Variants in MAP4 observed in about 807,000 individuals in gnomAD.
MAP4 encodes microtubule associated protein 4, also known as microtubule-associated protein 4.
MAP4 carries 76 observed loss-of-function variants against 170.2 expected under a neutral mutation model. That is an observed-to-expected ratio of 0.45 (90% CI 0.37 to 0.54). The LOEUF is 0.54. Ranked by LOEUF, MAP4 falls within the 20% of genes least tolerant of loss-of-function variation. The probability of loss-of-function intolerance (pLI) is 0.00; values close to 1 mark genes in which losing one functional copy is unlikely to be tolerated. For synonymous variants in MAP4, 909 were observed against 994.5 expected, an observed-to-expected ratio of 0.91 and a Z score of 1.62; for missense variants, 2,506 against 2,748.0, an observed-to-expected ratio of 0.91 and a Z score of 1.97.
intron 10 of MAP4, among the ~76,000 whole-genome samples, chr3:47,902,673 C>CAAA (rs3051642): frequency 0.26 from 6,605 of 25,738 alleles, 1,554 homozygotes; most frequent in Non-Finnish European, 0.3. Context: ...GACTCTGTCT[C>CAAA]AAAAAAAAAA....
intron 1 of MAP4, among the ~76,000 whole-genome samples, chr3:48,077,448 A>C (rs1476403587): frequency 2.0e-5 from 3 of 147,530 alleles, no homozygotes; most frequent in African/African-American, 7.4e-5. Flanking sequence ...CTCAGTCTCA[A>C]AAAAAAAAAA....
intron 1 of MAP4, among the ~76,000 whole-genome samples, chr3:48,004,266 A>G (rs115156057): frequency 6.6e-6 from 1 of 152,144 alleles, no homozygotes; most frequent in Non-Finnish European, 1.5e-5. Context: ...CTCTACTTCT[A>G]ATAGCATGGA....
chr3:48,087,739 G>GCACGCGCACACACACA (rs2100149956), intron 1 of MAP4, among the ~76,000 whole-genome samples: 1 of 59,538 alleles, frequency 1.7e-5, no homozygotes, highest in Non-Finnish European at 3.1e-5. Flanking sequence ...GCACACACAC[G>GCACGCGCACACACACA]CACGCGCACA....
intron 3 of MAP4, among the ~76,000 whole-genome samples, chr3:47,935,496 CCCACCCCTAGGAA>C (rs1024293686): frequency 4.6e-5 from 7 of 152,134 alleles, no homozygotes; most frequent in Non-Finnish European, 1.0e-4. Flanking sequence ...TAAAGGGAAA[CCCACCCCTAGGAA>C]CCATCCCATT....
intron 8 of MAP4, 73 bp from the exon 9 acceptor site, chr3:47,912,494 A>C: frequency 7.5e-7 from 1 of 1,328,062 alleles, no homozygotes; most frequent in Non-Finnish European, 1.0e-6. Flanking sequence ...CAAACAAAAA[A>C]ACCAGACCAT....
intron 10 of MAP4, chr3:47,892,354 G>A: frequency 1.3e-6 from 2 of 1,536,180 alleles, no homozygotes; most frequent in Middle Eastern, 3.3e-4. Context: ...CATTCAGTTT[G>A]CCCTCTGTCC....
chr3:47,931,656 A>AT (rs35456237), intron 3 of MAP4, among the ~76,000 whole-genome samples: 33,629 of 131,376 alleles, frequency 0.26, 4,943 homozygotes, highest in South Asian at 0.36. Flanking sequence ...TTTAAACAAA[A>AT]TTTTTTTTTT....
At chr3:48,087,743 GCGCA>G (rs774808351) in intron 1 of MAP4, among the ~76,000 whole-genome samples, 14,815 of 67,618 alleles carry the variant, frequency 0.22, 846 homozygotes, top group East Asian at 0.33. Flanking sequence ...ACACACGCAC[GCGCA>G]CACACACACA....
rs766464270 is a variant in MAP4 at position 47,891,831 on chromosome 3, T to C, written c.5434+11119A>G. The C allele has an allele frequency of 1.5e-5, 23 of 1,536,176 alleles. 1 individual carries two copies. In the South Asian group the frequency reaches 2.6e-4, roughly 17 times the overall value. On this transcript the variant is annotated intron_variant, in intron 10 of 20. Coordinates refer to ENST00000683076, the MANE Select transcript of MAP4 (RefSeq NM_001385682.1). ...CACTTCAGCTGCTCAGAGTTATCATTTACCACCCCAATCACTGGGCAGCCA... is the reference window on the plus strand; with the variant it reads ...CACTTCAGCTGCTCAGAGTTATCATCTACCACCCCAATCACTGGGCAGCCA...
chr3:47,979,262 ATAATTAGG>A (rs751518419), intron 2 of MAP4, among the ~76,000 whole-genome samples: 12 of 150,572 alleles, frequency 8.0e-5, no homozygotes, highest in African/African-American at 2.0e-4. Flanking sequence ...TAATCACCTA[ATAATTAGG>A]TAATTAGGTA....
chr3:47,989,970 G>A (rs1330378240), intron 2 of MAP4, among the ~76,000 whole-genome samples: 2 of 151,662 alleles, frequency 1.3e-5, no homozygotes, highest in Non-Finnish European at 2.9e-5. Flanking sequence ...TTATTTTGTT[G>A]ATTCCCTCTC....
At chr3:48,020,082 C>A (rs140868099), upstream of MAP4, among the ~76,000 whole-genome samples, 624 of 152,152 alleles carry the variant, frequency 4.1e-3, 5 homozygotes, top group African/African-American at 0.014. Context: ...GACAGGGTTT[C>A]ACCATGTTAG....
At chr3:48,018,837 T>C (rs886115227), upstream of MAP4, among the ~76,000 whole-genome samples, 26 of 152,018 alleles carry the variant, frequency 1.7e-4, no homozygotes, top group Non-Finnish European at 3.1e-4. Context: ...ATTCACCTAT[T>C]TTCTTCCACT....
chr3:48,061,844 G>C (rs1305712921), intron 1 of MAP4, among the ~76,000 whole-genome samples: 1 of 115,554 alleles, frequency 8.7e-6, no homozygotes, highest in Admixed American at 8.3e-5. Context: ...GAGGTGGGGG[G>C]CAGCCCCCGC....
intron 18 of MAP4, 21 bp downstream of exon 18, chr3:47,857,410 G>T: frequency 6.2e-7 from 1 of 1,608,594 alleles, no homozygotes; most frequent in Non-Finnish European, 8.5e-7. Context: ...AGACCCAGTG[G>T]GCAAGGGAGG....
At chr3:47,994,857 G>A (rs1200810965) in intron 2 of MAP4, among the ~76,000 whole-genome samples, 2 of 151,966 alleles carry the variant, frequency 1.3e-5, no homozygotes, top group African/African-American at 4.8e-5. Flanking sequence ...GTTGAGGCAG[G>A]AGGATCGCTT....
At chr3:48,002,120 T>A (rs1394376252) in intron 1 of MAP4, among the ~76,000 whole-genome samples, 1 of 151,558 alleles carries the variant, frequency 6.6e-6, no homozygotes, top group Non-Finnish European at 1.5e-5. Flanking sequence ...AGATTGTAAC[T>A]AGGAGTTCCA....
At chr3:47,969,753 T>C (rs2100077426) in intron 3 of MAP4, among the ~76,000 whole-genome samples, 1 of 151,346 alleles carries the variant, frequency 6.6e-6, no homozygotes, top group Non-Finnish European at 1.5e-5. Context: ...ACCACACATG[T>C]GCAAATCCAG....
At chr3:47,964,110 G>A (rs979827934) in intron 3 of MAP4, among the ~76,000 whole-genome samples, 4 of 152,174 alleles carry the variant, frequency 2.6e-5, no homozygotes, top group Non-Finnish European at 5.9e-5. Context: ...CGACATCATA[G>A]GGCCTTGTGG....
Sources: gnomAD v4.1 joint callset for allele counts (sites outside exome capture counted in the v4.1 genomes callset) on GRCh38, gnomAD v4.1.1 for gene constraint, MANE v1.5 for transcripts, NCBI Gene and HGNC (gene_info 2026-07-23, HGNC 2026-07-21) for gene names.